FARP1: variants seen among roughly 807,000 people sequenced by gnomAD.
The protein encoded by FARP1 is FERM, ARH/RhoGEF and pleckstrin domain protein 1, also known as FERM, ARHGEF and pleckstrin domain-containing protein 1.
Under a neutral mutation model 128.8 loss-of-function variants are expected in FARP1, and 52 were observed. The observed-to-expected ratio is 0.40, with a 90% CI of 0.32 to 0.51. The LOEUF is 0.51. Ranked by LOEUF, FARP1 falls within the 20% of genes least tolerant of loss-of-function variation. The pLI is 0.45. For missense variants in FARP1, 1,333 were observed against 1,367.9 expected, an observed-to-expected ratio of 0.97 and a Z score of 0.40; for synonymous variants, 580 against 551.8, an observed-to-expected ratio of 1.05 and a Z score of -0.72.
At chr13:98,350,445 G>C (rs567543886) in intron 3 of FARP1, among the ~76,000 whole-genome samples, 2 of 152,100 alleles carry the variant, frequency 1.3e-5, no homozygotes, top group Non-Finnish European at 2.9e-5. Context: ...CTGTGCCTTC[G>C]TGTGGCATGT....
chr13:98,305,764 C>G (rs1886121716), intron 2 of FARP1, among the ~76,000 whole-genome samples: 1 of 152,208 alleles, frequency 6.6e-6, no homozygotes, highest in African/African-American at 2.4e-5. Flanking sequence ...TCTAGAGTCT[C>G]TCAAAGGGCC....
At chr13:98,327,897 T>C (rs964099634) in intron 2 of FARP1, among the ~76,000 whole-genome samples, 4 of 151,958 alleles carry the variant, frequency 2.6e-5, no homozygotes, top group African/African-American at 9.7e-5. Flanking sequence ...GACAACAATT[T>C]ATGCTGAATG....
Position 98,176,937 on chromosome 13 carries a change from C to T in FARP1, c.-24+33445C>T, listed in dbSNP as rs1276661455. 2 of 1,602,878 alleles carry T rather than the reference C, an allele frequency of 1.2e-6. No individual in the cohort carries two copies. Among genetic ancestry groups the T allele is most frequent in the African/African-American group, 1.3e-5 (1 of 74,856 alleles). On this transcript the variant is annotated intron_variant, in intron 1 of 26. Transcript: ENST00000319562. The surrounding 1 kb of genome is among the most constrained non-coding windows in gnomAD (Gnocchi z 6.2). ...CCATGTCCTCTGGCCCCACAGGCTT[C>T]GCCGAGCGGGTGGACCTGTACACCA... is the stretch of plus-strand genomic sequence containing the variant.
At chr13:98,364,581 G>C (rs796802170) in intron 3 of FARP1, among the ~76,000 whole-genome samples, 6 of 152,234 alleles carry the variant, frequency 3.9e-5, no homozygotes, top group African/African-American at 1.4e-4. Context: ...CATTAACTTA[G>C]TTTTGTCATA....
chr13:98,291,819 A>G (rs1310486734), intron 2 of FARP1, among the ~76,000 whole-genome samples: 2 of 152,224 alleles, frequency 1.3e-5, no homozygotes, highest in African/African-American at 4.8e-5. Flanking sequence ...TCTCTTGGTC[A>G]TTCAAAGAAC....
chr13:98,170,388 G>C (rs1194300150), intron 1 of FARP1, among the ~76,000 whole-genome samples: 1 of 148,362 alleles, frequency 6.7e-6, no homozygotes, highest in Non-Finnish European at 1.5e-5. Context: ...ACAGAGTCTT[G>C]CTCTGTCACC....
chr13:98,143,244 G>C lies in FARP1; in HGVS notation c.-272G>C, dbSNP rs1875190630. The C allele has an allele frequency of 4.0e-5, 6 of 149,238 alleles. No individual in the cohort carries two copies. 9.2% of individuals were successfully genotyped at this position (149,238 alleles called of 1,614,324 possible). On this transcript the variant is annotated 5_prime_UTR_variant, in exon 1 of 27. Coordinates refer to ENST00000319562, the MANE Select transcript of FARP1 (RefSeq NM_005766.4). ...GTAGCGCTGGCCCCGGCGTCGAGGC[G>C]GCCATGGCGACCCGGAGCCCGCTCC...
At chr13:98,396,469 GGAACAGGAGGAGGATGAGTGA>G in intron 13 of FARP1, 4 of 382,454 alleles carry the variant, frequency 1.0e-5, no homozygotes, top group Non-Finnish European at 1.9e-5. Flanking sequence ...GGATGAGTGA[GGAACAGGAGGAGGATGAGTGA>G]GGAGGCCAGG....
chr13:98,255,511 C>G lies in FARP1; in HGVS notation c.171+42098C>G, dbSNP rs1433801270. On this transcript the variant is annotated intron_variant, in intron 2 of 26. Transcript: ENST00000319562. ...GTGAGACTTCATCTCAAAAAAAAAA[C>G]AAAAACAAAAACTAGTGGTTGCTGT... Among the ~76,000 whole-genome samples, 7 of 151,400 alleles carry G rather than the reference C, an allele frequency of 4.6e-5. No homozygotes were observed. The East Asian group carries it at 1.2e-3, about 25-fold the overall frequency.
chr13:98,287,928 A>C (rs985998178), intron 2 of FARP1, among the ~76,000 whole-genome samples: 6 of 151,406 alleles, frequency 4.0e-5, no homozygotes, highest in African/African-American at 1.2e-4. Context: ...CAGCCTCCCG[A>C]GTAGCTGGGA....
chr13:98,448,280 C>T lies in FARP1; in HGVS notation c.3101C>T (p.Pro1034Leu). Reference protein sequence around the residue: ...IRSATSSASRPHVLSHKESLV... With the variant: ...IRSATSSASRLHVLSHKESLV... The stretch of plus-strand genomic sequence containing the variant: ...AGTGCCACCAGCTCTGCCTCGCGAC[C>T]CCACGTGTTGAGTCACAAAGAGTCT... Residue 1034 changes from proline to leucine, a missense_variant, in exon 27 of 27, where the codon CCC (proline) becomes CTC (leucine). Pro to Leu is a moderately conservative substitution (Grantham distance 98). Around this residue, in one of 2 missense-constraint regions of FARP1, gnomAD observed 1,009 missense variants for 969.8 expected, o/e 1.04. Transcript: ENST00000319562. 6.2e-7 allele frequency: 1 copy of T among 1,614,122 alleles called. No individual in the cohort carries two copies. The highest frequency in any genetic ancestry group is 8.5e-7 in the Non-Finnish European group (1 of 1,179,962).
chr13:98,419,483 TACAC>T lies in FARP1; in HGVS notation c.1827-5058_1827-5055del, dbSNP rs57751374. ...ACGAGACTCTGTCTCCAAAAAAAAA[TACAC>T]ACACACACACACACACACACACACA... On this transcript the variant is annotated intron_variant, in intron 16 of 26. Transcript: ENST00000319562. 6.1e-3 allele frequency among the ~76,000 whole-genome samples: 860 copies of T among 140,044 alleles called. 3 individuals carry two copies. The highest frequency in any genetic ancestry group is 8.7e-3 in the Non-Finnish European group (564 of 65,196). 91.9% of individuals were successfully genotyped at this position (140,044 alleles called of 152,430 possible).
intron 2 of FARP1, among the ~76,000 whole-genome samples, chr13:98,342,851 C>T (rs1249887496): frequency 6.6e-6 from 1 of 151,756 alleles, no homozygotes; most frequent in African/African-American, 2.4e-5. Flanking sequence ...ATGGAGAAAC[C>T]CCATCTCTAC....
At chr13:98,319,180 C>T (rs895596205) in intron 2 of FARP1, among the ~76,000 whole-genome samples, 3 of 151,774 alleles carry the variant, frequency 2.0e-5, no homozygotes, top group Non-Finnish European at 4.4e-5. Flanking sequence ...GCCCAGGCTG[C>T]TCTCAAACTC....
intron 2 of FARP1, chr13:98,329,255 A>G (rs367716929): frequency 2.0e-5 from 3 of 152,034 alleles, no homozygotes; most frequent in African/African-American, 4.8e-5. Flanking sequence ...GTCATCTTCT[A>G]TTTTCTCTGT....
At chr13:98,435,745 C>A in intron 19 of FARP1, 39 bp downstream of exon 19, 1 of 1,608,250 alleles carries the variant, frequency 6.2e-7, no homozygotes, top group Non-Finnish European at 8.5e-7. Context: ...GCGCGGGGAG[C>A]AGAAAGGAGG....
rs749300493 is a variant in FARP1 at position 98,411,939 on chromosome 13, G to A, written c.1731G>A (p.Pro577=). ...QSTVSKEDAM[P]EALKSLIFPN... ...CAGTGAGCAAAGAGGACGCCATGCC[G>A]GAAGCACTGAAAAGTCTCATATTCC... The change falls in exon 16 of 27, where the codon CCG becomes CCA. Residue 577 remains proline (P), a synonymous_variant. Transcript: ENST00000319562. The A allele has an allele frequency of 9.9e-6, 16 of 1,613,972 alleles. No individual in the cohort carries two copies. The highest frequency in any genetic ancestry group is 3.3e-4 in the Middle Eastern group (2 of 6,062).
At position 98,424,630 on chromosome 13, in the gene FARP1, A is replaced by G. The variant is rs1891711355; in HGVS notation, c.1885A>G (p.Lys629Glu). 6.2e-7 allele frequency: 1 copy of G among 1,613,324 alleles called. No individual in the cohort carries two copies. Among genetic ancestry groups the G allele is most frequent in the African/African-American group, 1.3e-5 (1 of 74,922 alleles). The change falls in exon 17 of 27, where the codon AAG becomes GAG. Residue 629 changes from lysine to glutamate, a missense_variant. Physicochemically the swap from Lys to Glu is moderately conservative, Grantham distance 56. Transcript: ENST00000319562. ...DYQRIGDVML[K>E]NIQGMKHLAA... is the part of the protein sequence containing the mutation. ...CCAAAGAATCGGCGATGTCATGCTG[A>G]AGAACATTCAGGGCATGAAGGTGAG...
intron 2 of FARP1, among the ~76,000 whole-genome samples, chr13:98,213,802 CT>C (rs1434093658): frequency 1.3e-5 from 2 of 152,076 alleles, no homozygotes; most frequent in African/African-American, 2.4e-5. Flanking sequence ...CACATTGGTG[CT>C]TGTGCGTGTG....
Sources: allele counts gnomAD v4.1 joint callset (sites outside exome capture counted in the v4.1 genomes callset), GRCh38; gene constraint gnomAD v4.1.1; regional missense constraint gnomAD v4.1.1; non-coding constraint Gnocchi (gnomAD v3.1); transcripts MANE v1.5; gene names NCBI Gene and HGNC (gene_info 2026-07-23, HGNC 2026-07-21).